NCAPH: variants seen among roughly 807,000 people sequenced by gnomAD.
The protein encoded by NCAPH is non-SMC condensin I complex subunit H.
Under a neutral mutation model 85.5 loss-of-function variants are expected in NCAPH, and 38 were observed. The ratio of observed to expected loss-of-function variants is 0.44; its 90% CI spans 0.34 to 0.58. NCAPH has a LOEUF of 0.58. Ranked by LOEUF, NCAPH falls within the 20% of genes least tolerant of loss-of-function variation. The pLI, the probability that NCAPH is intolerant of heterozygous loss-of-function variation, is 0.01. For missense variants in NCAPH, 789 were observed against 916.6 expected (o/e 0.86, Z 1.80); for synonymous variants, 301 against 335.1 (o/e 0.90, Z 1.11).
At chr2:96,363,051 A>G (rs1160604936) in intron 12 of NCAPH, among the ~76,000 whole-genome samples, 1 of 152,190 alleles carries the variant, frequency 6.6e-6, no homozygotes, top group Admixed American at 6.5e-5. Flanking sequence ...GTCTTATTTT[A>G]AGAAATTGTC....
intron 6 of NCAPH, among the ~76,000 whole-genome samples, chr2:96,350,523 G>T (rs576816116): frequency 4.6e-5 from 7 of 152,258 alleles, no homozygotes; most frequent in African/African-American, 1.7e-4. Flanking sequence ...TTTTAGGATG[G>T]GAATTGGGAG....
Position 96,351,823 on chromosome 2 carries a change from G to T in NCAPH, c.721-8G>T. On this transcript the variant is annotated splice_region_variant and splice_polypyrimidine_tract_variant and intron_variant, in intron 6 of 17. Coordinates refer to ENST00000240423, the MANE Select transcript of NCAPH (RefSeq NM_015341.5). ...TAAATCTTCAGTTTCTTCTCTCTCT[G>T]TGTTCAGATTGATCCCATGTTTCAG... 6.3e-7 allele frequency: 1 copy of T among 1,584,638 alleles called. No homozygotes were observed. Among genetic ancestry groups the T allele is most frequent in the Non-Finnish European group, 8.6e-7 (1 of 1,167,984 alleles).
intron 1 of NCAPH, among the ~76,000 whole-genome samples, chr2:96,337,346 C>T (rs547324067): frequency 6.6e-6 from 1 of 152,340 alleles, no homozygotes; most frequent in East Asian, 1.9e-4. Context: ...AAATACTGTC[C>T]TCATAAGTCC....
intron 13 of NCAPH, among the ~76,000 whole-genome samples, chr2:96,365,007 C>T (rs2064675450): frequency 1.3e-5 from 2 of 152,082 alleles, no homozygotes; most frequent in Admixed American, 6.5e-5. Context: ...AATAAGTCTT[C>T]GGGGTGTATC....
At chr2:96,337,180 G>A (rs1278880471) in intron 1 of NCAPH, among the ~76,000 whole-genome samples, 1 of 152,186 alleles carries the variant, frequency 6.6e-6, no homozygotes, top group Non-Finnish European at 1.5e-5. Context: ...GAGAAACCAC[G>A]GAAAGAAGAT....
chr2:96,366,617 G>A (rs1010599103), intron 14 of NCAPH, among the ~76,000 whole-genome samples: 2 of 152,184 alleles, frequency 1.3e-5, no homozygotes, highest in African/African-American at 4.8e-5. Context: ...GGTGGCTCAC[G>A]CCTGTAATCC....
intron 6 of NCAPH, among the ~76,000 whole-genome samples, chr2:96,350,498 A>G (rs924906965): frequency 1.3e-5 from 2 of 151,970 alleles, no homozygotes; most frequent in Admixed American, 1.3e-4. Flanking sequence ...TAGGATGGGG[A>G]AAAAAAATAG....
Position 96,344,119 on chromosome 2 carries a change from G to C in NCAPH, c.610G>C (p.Glu204Gln). 6.2e-7 allele frequency: 1 copy of C among 1,612,888 alleles called. No homozygotes were observed. ...TCTCCTTTTAGATGGAAGTGCTACT[G>C]AAATGGGAACAACCAAAAAGGCTGT... ...EGHVADGSAT[E>Q]MGTTKKAVKP... Residue 204 changes from glutamate (E) to glutamine (Q), a missense_variant, in exon 6 of 18, where the codon GAA becomes CAA. Physicochemically the swap from Glu to Gln is conservative, Grantham distance 29. Coordinates refer to ENST00000240423, the MANE Select transcript of NCAPH (RefSeq NM_015341.5).
intron 9 of NCAPH, among the ~76,000 whole-genome samples, chr2:96,354,956 G>A (rs1394650751): frequency 1.3e-5 from 2 of 152,176 alleles, no homozygotes; most frequent in African/African-American, 4.8e-5. Context: ...GGCTGTTGGT[G>A]ACTCTAAGCC....
chr2:96,350,358 C>T (rs1359748351), intron 6 of NCAPH, among the ~76,000 whole-genome samples: 1 of 152,188 alleles, frequency 6.6e-6, no homozygotes, highest in Non-Finnish European at 1.5e-5. Context: ...CATGTTGGCT[C>T]TGAAGTGCTG....
rs2064829698 is a variant in NCAPH, at chr2:96,376,220, A to G, written c.*2869A>G. ...ACTGAAGTTTTAACATTCTCTGCCAAACAGAACCAGAATTTAAGGGCAGGA... is the reference window on the plus strand; with the variant it reads ...ACTGAAGTTTTAACATTCTCTGCCAGACAGAACCAGAATTTAAGGGCAGGA... On this transcript the variant is annotated 3_prime_UTR_variant, in exon 18 of 18. Coordinates refer to ENST00000240423, the MANE Select transcript of NCAPH (RefSeq NM_015341.5). Among the ~76,000 whole-genome samples, 1 of 152,204 alleles carries G rather than the reference A, an allele frequency of 6.6e-6. No individual in the cohort carries two copies. The highest frequency in any genetic ancestry group is 2.4e-5 in the African/African-American group (1 of 41,458).
intron 1 of NCAPH, among the ~76,000 whole-genome samples, chr2:96,340,703 C>G (rs965486941): frequency 1.3e-5 from 2 of 151,290 alleles, no homozygotes; most frequent in African/African-American, 4.9e-5. Flanking sequence ...CAGGCTGTTT[C>G]TTAACTCCTG....
Position 96,373,409 on chromosome 2 carries a change from T to C in NCAPH, c.*58T>C. On this transcript the variant is annotated 3_prime_UTR_variant, in exon 18 of 18. Coordinates refer to ENST00000240423, the MANE Select transcript of NCAPH (RefSeq NM_015341.5). Reference sequence around the variant, plus strand: ...CATCCCTTACTCAGTTGCCGGGACATCCCCAGTCTCGGGGGAAGAAGATGC... The same window carrying C: ...CATCCCTTACTCAGTTGCCGGGACACCCCCAGTCTCGGGGGAAGAAGATGC... The C allele has an allele frequency of 6.6e-7, 1 of 1,518,950 alleles. No homozygotes were observed. Among genetic ancestry groups the C allele is most frequent in the Non-Finnish European group, 9.1e-7 (1 of 1,096,040 alleles). The allele number at this position is 1,518,950 out of a possible 1,614,324, so 94.1% of individuals were successfully genotyped here.
At position 96,359,149 on chromosome 2, in the gene NCAPH, T is replaced by G. The variant is rs1169399668; in HGVS notation, c.1313T>G (p.Met438Arg). The change falls in exon 10 of 18, where the codon ATG becomes AGG. Residue 438 changes from methionine to arginine, a missense_variant. Physicochemically the swap from Met to Arg is moderately conservative, Grantham distance 91. Coordinates refer to ENST00000240423, the MANE Select transcript of NCAPH (RefSeq NM_015341.5). ...TATTTCAGTCCTCGGACCATGTCGA[T>G]GTGGGCTGGCCCGGATCACTGGCGC... ...YSYFSPRTMS[M>R]WAGPDHWRFR... is the part of the protein sequence containing the mutation. 1.2e-6 allele frequency: 2 copies of G among 1,614,130 alleles called. No homozygotes were observed. The highest frequency in any genetic ancestry group is 1.3e-5 in the African/African-American group (1 of 74,936).
rs2064836600 is a variant in NCAPH, at chr2:96,376,763, G to T, written c.*3412G>T. Among the ~76,000 whole-genome samples, 1 of 152,132 alleles carries T rather than the reference G, an allele frequency of 6.6e-6. No homozygotes were observed. Among genetic ancestry groups the T allele is most frequent in the African/African-American group, 2.4e-5 (1 of 41,436 alleles). ...GCAGCAAGCCATGATCTAGGTCTTC[G>T]AGTAGAATTCTCAGTTTTGGTTCAT... is the stretch of plus-strand genomic sequence containing the variant. On this transcript the variant is annotated 3_prime_UTR_variant, in exon 18 of 18. Coordinates refer to ENST00000240423, the MANE Select transcript of NCAPH (RefSeq NM_015341.5).
intron 6 of NCAPH, among the ~76,000 whole-genome samples, chr2:96,346,700 A>G (rs907383975): frequency 6.6e-6 from 1 of 152,078 alleles, no homozygotes; most frequent in Admixed American, 6.6e-5. Flanking sequence ...CTGGAAATGT[A>G]GGAGGTGGTT....
intron 1 of NCAPH, among the ~76,000 whole-genome samples, chr2:96,340,323 A>G (rs1477518555): frequency 5.3e-5 from 8 of 151,708 alleles, no homozygotes; most frequent in Non-Finnish European, 1.0e-4. Flanking sequence ...ACTTTCCCTA[A>G]ATTCTGGGAT....
At chr2:96,357,832 G>A (rs1342521597) in intron 9 of NCAPH, among the ~76,000 whole-genome samples, 4 of 151,908 alleles carry the variant, frequency 2.6e-5, no homozygotes, top group Admixed American at 1.3e-4. Context: ...TTATATAAAC[G>A]GGAACTATAT....
intron 17 of NCAPH, among the ~76,000 whole-genome samples, chr2:96,372,150 G>A (rs921477124): frequency 1.2e-4 from 19 of 152,176 alleles, no homozygotes; most frequent in African/African-American, 3.6e-4. Context: ...GGTGAAGTTC[G>A]TCAGGAAAGG....
Sources: allele counts gnomAD v4.1 joint callset (sites outside exome capture counted in the v4.1 genomes callset), GRCh38; gene constraint gnomAD v4.1.1; transcripts MANE v1.5; gene names NCBI Gene and HGNC (gene_info 2026-07-23, HGNC 2026-07-21).